The following FHOD3 variants were observed in gnomAD, a reference collection of about 807,000 sequenced individuals.
FHOD3 encodes formin homology 2 domain containing 3, also known as FH1/FH2 domain-containing protein 3.
A neutral mutation model predicts 173.0 loss-of-function variants in FHOD3; 90 were observed. The ratio of observed to expected loss-of-function variants is 0.52; its 90% CI spans 0.44 to 0.62. FHOD3 has a LOEUF of 0.62. FHOD3 is among the 20% of genes least tolerant of loss of function. The probability of loss-of-function intolerance (pLI) is 0.00; values close to 1 mark genes in which losing one functional copy is unlikely to be tolerated. For synonymous variants in FHOD3, 828 were observed against 823.0 expected (o/e 1.01, Z -0.10); for missense variants, 1,945 against 2,034.7 (o/e 0.96, Z 0.85).
At chr18:36,360,899 AT>A (rs2046575986) in intron 2 of FHOD3, among the ~76,000 whole-genome samples, 1 of 152,224 alleles carries the variant, frequency 6.6e-6, no homozygotes, top group Non-Finnish European at 1.5e-5. Context: ...TTTCCTCTGC[AT>A]TTTAGACTGG....
rs184323586 is a variant in FHOD3, at chr18:36,460,621, C to T, written c.338-41311C>T. ...AACCTGTGTGCTCAGTTTATGGGAA[C>T]ATGTGTTTACAGTGCCAGTTGATAG... On this transcript the variant is annotated intron_variant, in intron 3 of 28. Coordinates refer to ENST00000590592, the MANE Select transcript of FHOD3 (RefSeq NM_001281740.3). Among the ~76,000 whole-genome samples, 39 of 152,314 alleles carry T rather than the reference C, an allele frequency of 2.6e-4. 1 individual carries two copies. The highest frequency in any genetic ancestry group is 2.4e-3 in the Admixed American group (36 of 15,298).
At chr18:36,308,460 T>A (rs1893354) in intron 1 of FHOD3, among the ~76,000 whole-genome samples, 54,705 of 151,990 alleles carry the variant, frequency 0.36, 10,500 homozygotes, top group East Asian at 0.56. Context: ...AGACTGACAC[T>A]TGAACTCAGA....
intron 5 of FHOD3, among the ~76,000 whole-genome samples, chr18:36,535,017 A>G (rs1006514303): frequency 6.6e-6 from 1 of 152,144 alleles, no homozygotes; most frequent in African/African-American, 2.4e-5. Context: ...TTCTTGTTTT[A>G]CTAACTTGTC....
chr18:36,649,472 C>A, intron 11 of FHOD3, 67 bp downstream of exon 11: 2 of 1,285,210 alleles, frequency 1.6e-6, no homozygotes, highest in Admixed American at 2.1e-5. Flanking sequence ...TGATAGTTCA[C>A]TGCCTTCTAG....
At chr18:36,340,259 G>T (rs146059260) in intron 1 of FHOD3, among the ~76,000 whole-genome samples, 2 of 152,154 alleles carry the variant, frequency 1.3e-5, no homozygotes, top group African/African-American at 4.8e-5. Context: ...TTTTAAGTGC[G>T]TGAATTTGGT....
chr18:36,765,216 T>C (rs893822761), intron 27 of FHOD3, among the ~76,000 whole-genome samples: 7 of 152,180 alleles, frequency 4.6e-5, no homozygotes, highest in Non-Finnish European at 1.0e-4. Context: ...GAGACAAAGA[T>C]AGGCTAGAGT....
At chr18:36,778,306 T>G (rs2043835677) in intron 28 of FHOD3, 1 of 152,190 alleles carries the variant, frequency 6.6e-6, no homozygotes, top group African/African-American at 2.4e-5. Context: ...TTCTCTGAAC[T>G]TTGATCAACA....
intron 1 of FHOD3, among the ~76,000 whole-genome samples, chr18:36,335,992 C>A (rs757671579): frequency 1.2e-4 from 18 of 152,166 alleles, no homozygotes; most frequent in Non-Finnish European, 2.1e-4. Flanking sequence ...GTTGTGGCAA[C>A]CTTTTAGGAC....
intron 3 of FHOD3, among the ~76,000 whole-genome samples, chr18:36,426,790 G>A (rs1032897029): frequency 1.3e-5 from 2 of 152,170 alleles, no homozygotes; most frequent in African/African-American, 4.8e-5. Context: ...GTCTCATTTA[G>A]TCTTTACAAT....
intron 1 of FHOD3, among the ~76,000 whole-genome samples, chr18:36,321,351 G>A (rs1427311669): frequency 1.3e-5 from 2 of 152,084 alleles, no homozygotes; most frequent in East Asian, 3.9e-4. Context: ...TAATGAGATG[G>A]GGGTCCCCTC....
chr18:36,709,040 T>C, intron 17 of FHOD3, 55 bp from the exon 18 acceptor site: 1 of 1,576,680 alleles, frequency 6.3e-7, no homozygotes, highest in Non-Finnish European at 8.6e-7. Flanking sequence ...CTCACCTCAC[T>C]TCACCCTTCC....
intron 3 of FHOD3, among the ~76,000 whole-genome samples, chr18:36,390,328 A>G (rs2048238281): frequency 6.6e-6 from 1 of 152,072 alleles, no homozygotes; most frequent in African/African-American, 2.4e-5. Flanking sequence ...CTAAATTAAA[A>G]CTGGAGGTGC....
chr18:36,566,468 A>G (rs2058268286), intron 5 of FHOD3, among the ~76,000 whole-genome samples: 1 of 152,184 alleles, frequency 6.6e-6, no homozygotes, highest in Non-Finnish European at 1.5e-5. Flanking sequence ...AGGTTCAGAG[A>G]CAAAGGAGCC....
intron 8 of FHOD3, among the ~76,000 whole-genome samples, chr18:36,605,290 A>T (rs2031930589): frequency 6.6e-6 from 1 of 152,180 alleles, no homozygotes; most frequent in South Asian, 2.1e-4. Flanking sequence ...TACCTATTTT[A>T]TTGATAAGGC....
chr18:36,642,247 C>T (rs1232337901), intron 10 of FHOD3, among the ~76,000 whole-genome samples: 3 of 152,040 alleles, frequency 2.0e-5, no homozygotes, highest in Non-Finnish European at 2.9e-5. Flanking sequence ...ATGTTGTTTA[C>T]CTATATAACA....
At chr18:36,722,366 C>A (rs4799430) in intron 19 of FHOD3, among the ~76,000 whole-genome samples, 1 of 151,888 alleles carries the variant, frequency 6.6e-6, no homozygotes. Flanking sequence ...TCTCAAAGGG[C>A]AGCTTCTATG....
chr18:36,517,958 G>C (rs1414636018), intron 5 of FHOD3, among the ~76,000 whole-genome samples: 1 of 152,120 alleles, frequency 6.6e-6, no homozygotes, highest in Non-Finnish European at 1.5e-5. Flanking sequence ...GGTGTTTGTT[G>C]GCATTGATGG....
chr18:36,728,795 C>CA (rs1188328285), intron 19 of FHOD3, among the ~76,000 whole-genome samples: 1 of 152,158 alleles, frequency 6.6e-6, no homozygotes, highest in Non-Finnish European at 1.5e-5. Flanking sequence ...CAGCCCTAGC[C>CA]AGGGCCCCTG....
chr18:36,700,303 C>T (rs906265816), intron 17 of FHOD3, among the ~76,000 whole-genome samples: 9 of 152,174 alleles, frequency 5.9e-5, no homozygotes, highest in African/African-American at 2.2e-4. Context: ...GCCCCTCCAA[C>T]TCTTCAGACC....
Sources: gnomAD v4.1 joint callset for allele counts (sites outside exome capture counted in the v4.1 genomes callset) on GRCh38, gnomAD v4.1.1 for gene constraint, MANE v1.5 for transcripts, NCBI Gene and HGNC (gene_info 2026-07-23, HGNC 2026-07-21) for gene names.